Variants in XRN2 observed in about 807,000 individuals in gnomAD.
XRN2 encodes the protein DHM1-like protein.
Under a neutral mutation model 138.5 loss-of-function variants are expected in XRN2, and 44 were observed. The observed-to-expected ratio is 0.32, with a 90% CI of 0.25 to 0.41. The LOEUF (loss-of-function observed/expected upper bound fraction) is 0.41, where lower values mean the gene tolerates loss of function less well. Among genes scored for constraint, XRN2 ranks in the 10% least tolerant of loss-of-function variants. The pLI, the probability that XRN2 is intolerant of heterozygous loss-of-function variation, is 1.00. For synonymous variants in XRN2, 354 were observed against 369.4 expected, an observed-to-expected ratio of 0.96 and a Z score of 0.48; for missense variants, 937 against 1,169.3, an observed-to-expected ratio of 0.80 and a Z score of 2.90.
chr20:21,357,811 A>G lies in XRN2; in HGVS notation c.2255+19A>G, dbSNP rs779744060. Reference sequence around the variant, plus strand: ...TAGTCAGGTAAGTTTTCCAAAATTCATGGCATTCACCCAGAACACAGCTCT... The same window carrying G: ...TAGTCAGGTAAGTTTTCCAAAATTCGTGGCATTCACCCAGAACACAGCTCT... On this transcript the variant is annotated intron_variant, in intron 24 of 29. Transcript: ENST00000377191. The G allele has an allele frequency of 6.9e-6, 11 of 1,596,162 alleles. No individual in the cohort carries two copies. The highest frequency in any genetic ancestry group is 8.5e-6 in the Non-Finnish European group (10 of 1,171,580).
rs777838921 is a variant in XRN2, at chr20:21,332,438, A to G, written c.856A>G (p.Lys286Glu). The G allele has an allele frequency of 2.5e-6, 4 of 1,605,430 alleles. No homozygotes were observed. In the African/African-American group the frequency reaches 5.4e-5, roughly 22 times the overall value. Reference sequence around the variant, plus strand: ...AGGTTTGCCAAGAGAAAAGAAGGGAAAGGTAAGAACTTTGAGATGGTAGTT... The same window carrying G: ...AGGTTTGCCAAGAGAAAAGAAGGGAGAGGTAAGAACTTTGAGATGGTAGTT... Reference protein sequence around the residue: ...CEGLPREKKGKHDELADSLPC... With the variant: ...CEGLPREKKGEHDELADSLPC... The change falls in exon 9 of 30, where the codon AAG becomes GAG. Residue 286 changes from lysine to glutamate, a missense_variant and splice_region_variant. By Grantham distance (56) the Lys-to-Glu change is moderately conservative. Coordinates refer to ENST00000377191, the MANE Select transcript of XRN2 (RefSeq NM_012255.5).
intron 27 of XRN2, among the ~76,000 whole-genome samples, chr20:21,370,248 G>C (rs966407140): frequency 6.6e-6 from 1 of 152,110 alleles, no homozygotes; most frequent in Admixed American, 6.5e-5. Flanking sequence ...TACTGTTGTG[G>C]TTACTATTGC....
intron 16 of XRN2, 51 bp from the exon 17 acceptor site, chr20:21,346,364 T>A (rs112770998): frequency 6.2e-7 from 1 of 1,603,752 alleles, no homozygotes; most frequent in African/African-American, 1.3e-5. Context: ...GTAGACAGCC[T>A]GTTACTGAAG....
chr20:21,338,632 A>T (rs188328328), intron 13 of XRN2, among the ~76,000 whole-genome samples: 14 of 152,314 alleles, frequency 9.2e-5, no homozygotes, highest in African/African-American at 3.4e-4. Context: ...TTAAAAATGG[A>T]TACCTTAGTT....
chr20:21,367,929 A>C (rs551031875), intron 26 of XRN2, among the ~76,000 whole-genome samples: 27 of 152,294 alleles, frequency 1.8e-4, no homozygotes, highest in Middle Eastern at 3.4e-3. Flanking sequence ...GATGAGCATA[A>C]TTATATGCCC....
At chr20:21,324,256 GCTT>G (rs2038090157) in intron 1 of XRN2, among the ~76,000 whole-genome samples, 1 of 151,866 alleles carries the variant, frequency 6.6e-6, no homozygotes, top group South Asian at 2.1e-4. Context: ...TTGTCTAGTA[GCTT>G]CTTCTCTGTT....
chr20:21,337,646 C>T (rs561549564), intron 13 of XRN2, among the ~76,000 whole-genome samples: 47 of 152,254 alleles, frequency 3.1e-4, no homozygotes, highest in Middle Eastern at 3.4e-3. Context: ...CTCATTTCTG[C>T]CCAGTGTTCC....
At chr20:21,320,787 G>T (rs1296538933) in intron 1 of XRN2, among the ~76,000 whole-genome samples, 1 of 152,018 alleles carries the variant, frequency 6.6e-6, no homozygotes, top group East Asian at 1.9e-4. Flanking sequence ...GTAGAGACGG[G>T]GTTTCACCAT....
chr20:21,376,085 G>A (rs971075945), intron 27 of XRN2, among the ~76,000 whole-genome samples: 2 of 152,100 alleles, frequency 1.3e-5, no homozygotes, highest in Non-Finnish European at 2.9e-5. Flanking sequence ...TGATCCGTCC[G>A]CCTCGGCCTC....
At chr20:21,337,621 G>C (rs1368216380) in intron 13 of XRN2, among the ~76,000 whole-genome samples, 2 of 152,148 alleles carry the variant, frequency 1.3e-5, no homozygotes, top group Non-Finnish European at 2.9e-5. Flanking sequence ...GGGCCCAGGG[G>C]AGCACCAACA....
chr20:21,361,112 G>A (rs1029432091), intron 24 of XRN2, among the ~76,000 whole-genome samples: 4 of 152,236 alleles, frequency 2.6e-5, no homozygotes, highest in South Asian at 4.1e-4. Flanking sequence ...TTCTTAAAGC[G>A]AATCAGAAAA....
chr20:21,324,179 A>G (rs1341676176), intron 1 of XRN2, among the ~76,000 whole-genome samples: 1 of 151,814 alleles, frequency 6.6e-6, no homozygotes, highest in African/African-American at 2.4e-5. Flanking sequence ...TTTCTTTACC[A>G]CTTATTCCAC....
chr20:21,385,023 G>C (rs1457875113), intron 28 of XRN2, among the ~76,000 whole-genome samples: 4 of 152,020 alleles, frequency 2.6e-5, no homozygotes, highest in Admixed American at 2.6e-4. Flanking sequence ...AATTATTGAT[G>C]ATTTTTTTCA....
intron 27 of XRN2, among the ~76,000 whole-genome samples, chr20:21,374,562 G>GT (rs1393482120): frequency 6.6e-6 from 1 of 151,990 alleles, no homozygotes; most frequent in Non-Finnish European, 1.5e-5. Flanking sequence ...TGGGGGTTTT[G>GT]TTTGTTGTTT....
intron 13 of XRN2, 86 bp from the exon 14 acceptor site, chr20:21,338,958 T>A: frequency 1.5e-6 from 2 of 1,316,708 alleles, no homozygotes; most frequent in Non-Finnish European, 2.2e-6. Flanking sequence ...AAAACTTAAG[T>A]TGTCTCCCAA....
At chr20:21,368,699 G>GAA in intron 27 of XRN2, 109 bp downstream of exon 27, 1 of 1,414,454 alleles carries the variant, frequency 7.1e-7, no homozygotes, top group Non-Finnish European at 9.4e-7. Context: ...TGCAGACAGT[G>GAA]AACTTTAAAA....
At chr20:21,348,589 C>T (rs2038467668) in intron 19 of XRN2, among the ~76,000 whole-genome samples, 159 bp downstream of exon 19, 1 of 152,006 alleles carries the variant, frequency 6.6e-6, no homozygotes, top group East Asian at 1.9e-4. Context: ...TTTCTTTGGC[C>T]CTGCACAGTA....
intron 16 of XRN2, among the ~76,000 whole-genome samples, chr20:21,345,460 T>C (rs13043724): frequency 0.68 from 103,063 of 151,954 alleles, 35,687 homozygotes; most frequent in South Asian, 0.84. Flanking sequence ...AAAATTGATA[T>C]GGTATATTCT....
intron 1 of XRN2, among the ~76,000 whole-genome samples, chr20:21,314,121 T>TA (rs1441821291): frequency 6.6e-6 from 1 of 152,238 alleles, no homozygotes; most frequent in East Asian, 1.9e-4. Flanking sequence ...AAGCAACCAC[T>TA]AATCTACTTT....
Sources: allele counts gnomAD v4.1 joint callset (sites outside exome capture counted in the v4.1 genomes callset), GRCh38; gene constraint gnomAD v4.1.1; transcripts MANE v1.5; gene names NCBI Gene and HGNC (gene_info 2026-07-23, HGNC 2026-07-21).